The following NOSTRIN variants were observed in gnomAD, a reference collection of about 807,000 sequenced individuals.
NOSTRIN encodes nitric oxide synthase trafficking.
A neutral mutation model predicts 59.0 loss-of-function variants in NOSTRIN; 63 were observed. The ratio of observed to expected loss-of-function variants is 1.07; its 90% CI spans 0.87 to 1.32. The LOEUF (loss-of-function observed/expected upper bound fraction) is 1.32, where lower values mean the gene tolerates loss of function less well. Among genes scored for constraint, NOSTRIN ranks in the 40% most tolerant of loss-of-function variants. NOSTRIN has a pLI of 0.00. For synonymous variants in NOSTRIN, 200 were observed against 165.4 expected, an observed-to-expected ratio of 1.21 and a Z score of -1.61; for missense variants, 512 against 473.1, an observed-to-expected ratio of 1.08 and a Z score of -0.76.
upstream of NOSTRIN, among the ~76,000 whole-genome samples, chr2:168,799,342 C>A (rs1020973057): frequency 2.6e-5 from 4 of 152,100 alleles, no homozygotes; most frequent in Non-Finnish European, 5.9e-5. Flanking sequence ...ATATTAATTC[C>A]AAAACTACAA....
intron 14 of NOSTRIN, 82 bp from the exon 15 acceptor site, chr2:168,861,878 A>C (rs2105796609): frequency 1.6e-6 from 2 of 1,239,594 alleles, no homozygotes; most frequent in Non-Finnish European, 2.3e-6. Context: ...TCTGCATCAC[A>C]CTGTTAAATA....
upstream of NOSTRIN, among the ~76,000 whole-genome samples, chr2:168,798,658 T>C (rs988799568): frequency 2.0e-5 from 3 of 152,166 alleles, no homozygotes; most frequent in African/African-American, 7.2e-5. Flanking sequence ...GAAGCCAGGC[T>C]GGAAAGCAGC....
At chr2:168,805,384 T>C (rs1685794476) in intron 1 of NOSTRIN, among the ~76,000 whole-genome samples, 1 of 152,234 alleles carries the variant, frequency 6.6e-6, no homozygotes, top group South Asian at 2.1e-4. Context: ...GCTCTGGGCC[T>C]TGATGTTTCA....
At chr2:168,861,859 T>C in intron 14 of NOSTRIN, 101 bp from the exon 15 acceptor site, 1 of 1,047,186 alleles carries the variant, frequency 9.5e-7, no homozygotes, top group Non-Finnish European at 1.4e-6. Context: ...AAATTTAATA[T>C]ATTGAAACTC....
chr2:168,810,157 C>G (rs1686058873), intron 1 of NOSTRIN, among the ~76,000 whole-genome samples: 1 of 152,102 alleles, frequency 6.6e-6, no homozygotes, highest in Non-Finnish European at 1.5e-5. Flanking sequence ...GTGCCAGCAG[C>G]CACAGGATTT....
chr2:168,836,716 C>A (rs185186170), intron 7 of NOSTRIN, among the ~76,000 whole-genome samples: 1 of 152,320 alleles, frequency 6.6e-6, no homozygotes, highest in East Asian at 1.9e-4. Flanking sequence ...AGCACAGCCA[C>A]CTGCCTACTG....
chr2:168,788,970 T>G (rs1685275970), intron 2 of NOSTRIN, among the ~76,000 whole-genome samples: 1 of 152,132 alleles, frequency 6.6e-6, no homozygotes, highest in Admixed American at 6.5e-5. Context: ...CCTCAGAGCC[T>G]AGAGTCAATG....
intron 2 of NOSTRIN, among the ~76,000 whole-genome samples, chr2:168,789,208 A>C (rs1295827994): frequency 1.3e-5 from 2 of 152,222 alleles, no homozygotes; most frequent in African/African-American, 4.8e-5. Context: ...GAACCAACTA[A>C]AATCTAGGAT....
intron 8 of NOSTRIN, among the ~76,000 whole-genome samples, chr2:168,845,844 T>C (rs966103772): frequency 1.3e-5 from 2 of 148,902 alleles, no homozygotes; most frequent in African/African-American, 2.5e-5. Flanking sequence ...CTACTCATCA[T>C]AATGTCCTTG....
At chr2:168,842,090 T>C (rs1029531929) in intron 7 of NOSTRIN, among the ~76,000 whole-genome samples, 1 of 152,142 alleles carries the variant, frequency 6.6e-6, no homozygotes, top group Non-Finnish European at 1.5e-5. Context: ...GGACAGTTTT[T>C]ACACAGAAAG....
chr2:168,788,605 C>A (rs1378713114), intron 2 of NOSTRIN, among the ~76,000 whole-genome samples: 18 of 152,052 alleles, frequency 1.2e-4, no homozygotes. Context: ...CATGAGAAGC[C>A]AGAGCATGGA....
intron 2 of NOSTRIN, among the ~76,000 whole-genome samples, chr2:168,792,636 T>G (rs569834513): frequency 3.2e-4 from 48 of 151,934 alleles, no homozygotes; most frequent in Non-Finnish European, 5.6e-4. Context: ...TGTTTGTTTG[T>G]TTTGTTTTGT....
At chr2:168,858,964 G>C (rs999325473) in intron 12 of NOSTRIN, 4 of 152,306 alleles carry the variant, frequency 2.6e-5, no homozygotes, top group African/African-American at 9.7e-5. Flanking sequence ...TCTTTAGCTT[G>C]ACTTATTATG....
rs1485124510 is a variant in NOSTRIN, at chr2:168,828,439, G to A, written c.280G>A (p.Glu94Lys). 1 of 872,048 alleles carries A rather than the reference G, an allele frequency of 1.1e-6. No homozygotes were observed. Among genetic ancestry groups the A allele is most frequent in the African/African-American group, 1.6e-5 (1 of 61,242 alleles). The allele number at this position is 872,048 out of a possible 1,614,324, so 54.0% of individuals were successfully genotyped here. The change falls in exon 5 of 16, where the codon GAA becomes AAA. Residue 94 changes from glutamate (E) to lysine (K), a missense_variant. Physicochemically the swap from Glu to Lys is moderately conservative, Grantham distance 56 (BLOSUM62 1). Coordinates refer to ENST00000317647, the MANE Select transcript of NOSTRIN (RefSeq NM_001039724.4). ...DLHQKLGKAI[E>K]LEAIKPTYQV... is the part of the protein sequence containing the mutation. ...TTCCAGAAAACTTGGCAAAGCAATT[G>A]AATTGGAAGCAATAAAACCGACTTA...
At chr2:168,845,939 C>A (rs1398587250) in intron 8 of NOSTRIN, among the ~76,000 whole-genome samples, 1 of 152,068 alleles carries the variant, frequency 6.6e-6, no homozygotes, top group Non-Finnish European at 1.5e-5. Flanking sequence ...CAGTCCGTGT[C>A]CTTTTTAGTT....
At position 168,859,737 on chromosome 2, in the gene NOSTRIN, T is replaced by G. The variant is rs982299171; in HGVS notation, c.1179+100T>G. On this transcript the variant is annotated intron_variant, in intron 13 of 15. Coordinates refer to ENST00000317647, the MANE Select transcript of NOSTRIN (RefSeq NM_001039724.4). ...CAAAAAAGGTGTTAGGAATTCTATG[T>G]GATATTAATATTCATGCAGTTAGTT... 2.8e-6 allele frequency: 4 copies of G among 1,416,846 alleles called. No individual in the cohort carries two copies. The African/African-American group carries it at 4.3e-5, about 15-fold the overall frequency. The allele number at this position is 1,416,846 out of a possible 1,614,324, so 87.8% of individuals were successfully genotyped here. A position where few individuals can be genotyped will look rare whatever the true frequency, so the allele number is the denominator to read the frequency against.
intron 7 of NOSTRIN, among the ~76,000 whole-genome samples, chr2:168,837,760 T>C (rs1404352755): frequency 1.3e-5 from 2 of 152,344 alleles, no homozygotes; most frequent in East Asian, 3.9e-4. Context: ...TTGCTAAAGC[T>C]AACAGGTACT....
chr2:168,799,835 A>T (rs998347284), upstream of NOSTRIN, among the ~76,000 whole-genome samples: 6 of 152,334 alleles, frequency 3.9e-5, no homozygotes, highest in Admixed American at 1.3e-4. Flanking sequence ...AATATTAAGC[A>T]GCCATTGTAG....
chr2:168,857,004 A>G (rs944387661), intron 12 of NOSTRIN, among the ~76,000 whole-genome samples: 2 of 152,172 alleles, frequency 1.3e-5, no homozygotes, highest in Admixed American at 6.5e-5. Context: ...AATTGTGTCT[A>G]AAATAGTATT....
Sources: allele counts gnomAD v4.1 joint callset (sites outside exome capture counted in the v4.1 genomes callset), GRCh38; gene constraint gnomAD v4.1.1; transcripts MANE v1.5; gene names NCBI Gene and HGNC (gene_info 2026-07-23, HGNC 2026-07-21).